ENOPH1: variants seen among roughly 807,000 people sequenced by gnomAD.
ENOPH1 encodes enolase-phosphatase E1.
In ENOPH1, 14 loss-of-function variants were observed where a neutral mutation model predicts 31.1. That is an observed-to-expected ratio of 0.45 (90% confidence interval 0.30 to 0.70). The LOEUF is 0.70. Ranked by LOEUF, ENOPH1 falls within the 30% of genes least tolerant of loss-of-function variation. The pLI is 0.09. For synonymous variants in ENOPH1, 127 were observed against 123.2 expected, an observed-to-expected ratio of 1.03 and a Z score of -0.21; for missense variants, 243 against 321.5, an observed-to-expected ratio of 0.76 and a Z score of 1.87.
chr4:82,443,978 G>A (rs1360825740), intron 1 of ENOPH1, among the ~76,000 whole-genome samples: 2 of 151,800 alleles, frequency 1.3e-5, no homozygotes, highest in Non-Finnish European at 2.9e-5. Flanking sequence ...GGGTTCAAGC[G>A]ATTCTCCTGC....
At chr4:82,457,076 A>G (rs1358628539) in intron 5 of ENOPH1, 38 bp downstream of exon 5, 2 of 1,592,972 alleles carry the variant, frequency 1.3e-6, no homozygotes, top group African/African-American at 2.7e-5. Flanking sequence ...ACTCCAGGAT[A>G]TGAACTGAGC....
chr4:82,457,158 C>T lies in ENOPH1; in HGVS notation c.646+120C>T, dbSNP rs550836429. ...ATCCTTGAAAAATAAAACAGTTTTA[C>T]GGTTTTATATAAAGAAACAGTGTCT... On this transcript the variant is annotated intron_variant, in intron 5 of 5. Coordinates refer to ENST00000273920, the MANE Select transcript of ENOPH1 (RefSeq NM_021204.5). 8.6e-5 allele frequency: 82 copies of T among 958,072 alleles called. No individual in the cohort carries two copies. The South Asian group carries it at 9.1e-4, about 11-fold the overall frequency. The allele number at this position is 958,072 out of a possible 1,614,324, so 59.3% of individuals were successfully genotyped here.
intron 3 of ENOPH1, 123 bp from the exon 4 acceptor site, chr4:82,454,599 G>A: frequency 9.5e-7 from 1 of 1,057,414 alleles, no homozygotes; most frequent in Admixed American, 2.6e-5. Context: ...TGTAGTCTCA[G>A]GGAGCTGCTT....
At chr4:82,436,655 C>G (rs1721911932) in intron 1 of ENOPH1, among the ~76,000 whole-genome samples, 1 of 150,336 alleles carries the variant, frequency 6.7e-6, no homozygotes. Flanking sequence ...CCACTGCAGT[C>G]CAGCCTGGAT....
chr4:82,436,749 A>G (rs1721915460), intron 1 of ENOPH1, among the ~76,000 whole-genome samples: 1 of 150,370 alleles, frequency 6.7e-6, no homozygotes, highest in Non-Finnish European at 1.5e-5. Context: ...AAGCTGTCCC[A>G]CCTAGCTGGG....
intron 3 of ENOPH1, among the ~76,000 whole-genome samples, chr4:82,452,389 A>G (rs899164011): frequency 2.0e-5 from 3 of 152,060 alleles, no homozygotes; most frequent in Non-Finnish European, 4.4e-5. Context: ...GCTCACTGCA[A>G]CTTCTACCTC....
At chr4:82,444,621 T>G (rs1223257068) in intron 1 of ENOPH1, among the ~76,000 whole-genome samples, 2 of 152,224 alleles carry the variant, frequency 1.3e-5, no homozygotes, top group Non-Finnish European at 2.9e-5. Flanking sequence ...TTAAATTAGG[T>G]CTTCGAAATT....
chr4:82,442,267 C>G (rs1355713868), intron 1 of ENOPH1, among the ~76,000 whole-genome samples: 1 of 152,120 alleles, frequency 6.6e-6, no homozygotes, highest in East Asian at 1.9e-4. Context: ...TCCTGTAATC[C>G]CAGCACTTTG....
chr4:82,447,293 A>G (rs1722220665), intron 1 of ENOPH1, among the ~76,000 whole-genome samples: 1 of 152,090 alleles, frequency 6.6e-6, no homozygotes, highest in Admixed American at 6.6e-5. Flanking sequence ...GCTGCATATC[A>G]CTTTCTTATA....
chr4:82,437,095 TA>T (rs1334075263), intron 1 of ENOPH1, among the ~76,000 whole-genome samples: 3 of 151,938 alleles, frequency 2.0e-5, no homozygotes. Flanking sequence ...AAAAAAATTA[TA>T]AAAAAAGAAA....
In ENOPH1 at chr4:82,430,780, C is replaced by T; in HGVS notation, c.-50C>T. On this transcript the variant is annotated 5_prime_UTR_variant, in exon 1 of 6. Transcript: ENST00000273920. ...GGGCCGCAGCCGCAGCCGGCGCCGC[C>T]CTCCGCCCTCCCCAACAGCAGGCCG... is the stretch of plus-strand genomic sequence containing the variant. 2 of 1,573,498 alleles carry T rather than the reference C, an allele frequency of 1.3e-6. No individual in the cohort carries two copies. The highest frequency in any genetic ancestry group is 1.1e-5 in the South Asian group (1 of 90,262).
At chr4:82,451,626 G>A (rs948326590) in intron 3 of ENOPH1, among the ~76,000 whole-genome samples, 4 of 152,200 alleles carry the variant, frequency 2.6e-5, no homozygotes, top group African/African-American at 2.4e-5. Flanking sequence ...TGAGACATAG[G>A]AAATTTTGTG....
At chr4:82,431,113 C>T (rs570546700) in intron 1 of ENOPH1, among the ~76,000 whole-genome samples, 200 bp downstream of exon 1, 1 of 152,318 alleles carries the variant, frequency 6.6e-6, no homozygotes, top group South Asian at 2.1e-4. Flanking sequence ...TTCTCCCTCC[C>T]CCGCCCTTGC....
At chr4:82,449,157 T>C (rs1259757502) in intron 2 of ENOPH1, among the ~76,000 whole-genome samples, 1 of 148,936 alleles carries the variant, frequency 6.7e-6, no homozygotes, top group Non-Finnish European at 1.5e-5. Flanking sequence ...GGAGAATTGC[T>C]TGAACGTGGG....
chr4:82,447,997 G>A lies in ENOPH1; in HGVS notation c.162G>A (p.Gln54=), dbSNP rs1324046828. The A allele has an allele frequency of 6.2e-7, 1 of 1,612,512 alleles. No homozygotes were observed. The highest frequency in any genetic ancestry group is 1.7e-5 in the Admixed American group (1 of 59,878). The change falls in exon 2 of 6, where the codon CAG becomes CAA. Residue 54 remains glutamine, a synonymous_variant. Transcript: ENST00000273920. ...ATTGGGAAGAAGAGGAGTGCCAGCA[G>A]GATGTCAGTCTTTTGAGGAAACAGG... is the stretch of plus-strand genomic sequence containing the variant. ...QTHWEEEECQ[Q]DVSLLRKQAE...
intron 4 of ENOPH1, 26 bp downstream of exon 4, chr4:82,454,880 T>C: frequency 6.3e-7 from 1 of 1,599,482 alleles, no homozygotes; most frequent in South Asian, 1.1e-5. Flanking sequence ...TACTTTGTTG[T>C]TTTGACGCTA....
At chr4:82,455,694 G>C (rs910522835) in intron 4 of ENOPH1, among the ~76,000 whole-genome samples, 7 of 151,940 alleles carry the variant, frequency 4.6e-5, no homozygotes, top group African/African-American at 1.7e-4. Flanking sequence ...GCTGAGGCAG[G>C]AGAATGGCTT....
At chr4:82,458,993 T>C (rs992689110) in intron 5 of ENOPH1, among the ~76,000 whole-genome samples, 2 of 152,176 alleles carry the variant, frequency 1.3e-5, no homozygotes, top group South Asian at 2.1e-4. Context: ...ACGACTGCCC[T>C]TCAGTTAATC....
chr4:82,436,790 G>A (rs1398989836), intron 1 of ENOPH1, among the ~76,000 whole-genome samples: 1 of 151,896 alleles, frequency 6.6e-6, no homozygotes, highest in African/African-American at 2.4e-5. Context: ...AGGAGACCTG[G>A]GCTGCCTACC....
Sources: gnomAD v4.1 joint callset for allele counts (sites outside exome capture counted in the v4.1 genomes callset) on GRCh38, gnomAD v4.1.1 for gene constraint, MANE v1.5 for transcripts, NCBI Gene and HGNC (gene_info 2026-07-23, HGNC 2026-07-21) for gene names.